Variants in MYCBP2 observed in about 807,000 individuals in gnomAD.
MYCBP2 encodes MYC binding protein 2.
Under a neutral mutation model 525.3 loss-of-function variants are expected in MYCBP2, and 120 were observed. That is an observed-to-expected ratio of 0.23 (90% confidence interval 0.20 to 0.27). MYCBP2 has a LOEUF of 0.27. Among genes scored for constraint, MYCBP2 ranks in the 10% least tolerant of loss-of-function variants. The probability of loss-of-function intolerance (pLI) is 1.00; values close to 1 mark genes in which losing one functional copy is unlikely to be tolerated. For missense variants in MYCBP2, 4,149 were observed against 5,657.1 expected (o/e 0.73, Z 8.55); for synonymous variants, 1,894 against 1,955.8 (o/e 0.97, Z 0.83).
Position 77,121,385 on chromosome 13 carries a change from C to T in MYCBP2, c.8128G>A (p.Gly2710Arg), listed in dbSNP as rs1393783410. The T allele has an allele frequency of 1.0e-5, 16 of 1,555,946 alleles. No individual in the cohort carries two copies. The highest frequency in any genetic ancestry group is 9.5e-5 in the African/African-American group (7 of 73,800). Residue 2710 changes from glycine to arginine, a missense_variant, in exon 55 of 83, where the codon GGA becomes AGA. Gly to Arg is a moderately radical substitution (Grantham distance 125). Transcript: ENST00000544440. ...TTTAAATACCTACCTTTGCTATTTC[C>T]GAGTCCATAATCAAATCCTTGGGCA... ...CSAQGFDYGL[G>R]NSKGDRGNIS...
chr13:77,234,565 A>G (rs55830830), intron 17 of MYCBP2, among the ~76,000 whole-genome samples: 1,902 of 152,150 alleles, frequency 0.013, 42 homozygotes, highest in African/African-American at 0.043. Flanking sequence ...AACATATTCT[A>G]TGACTACTAC....
chr13:77,090,872 A>G (rs1033445141), intron 59 of MYCBP2, among the ~76,000 whole-genome samples: 1 of 152,178 alleles, frequency 6.6e-6, no homozygotes, highest in Non-Finnish European at 1.5e-5. Flanking sequence ...CAGCTTTTCT[A>G]TTTATTAAAG....
chr13:77,300,396 T>A (rs111404634), intron 1 of MYCBP2, among the ~76,000 whole-genome samples: 1 of 152,364 alleles, frequency 6.6e-6, no homozygotes, highest in South Asian at 2.1e-4. Context: ...GAGAGGAGTG[T>A]GCATATATTA....
chr13:77,157,924 A>G lies in MYCBP2; in HGVS notation c.6770+13T>C. 5 of 1,595,288 alleles carry G rather than the reference A, an allele frequency of 3.1e-6. No homozygotes were observed. The highest frequency in any genetic ancestry group is 4.3e-6 in the Non-Finnish European group (5 of 1,171,780). On this transcript the variant is annotated intron_variant, in intron 45 of 82. Coordinates refer to ENST00000544440, the MANE Select transcript of MYCBP2 (RefSeq NM_015057.5). ...AGCCCTAAAATAAAGTAAGTAACTT[A>G]AAGTACATTTACCTTGCAAGCCTTC...
chr13:77,148,879 C>T (rs1286959900), intron 47 of MYCBP2, among the ~76,000 whole-genome samples: 1 of 152,100 alleles, frequency 6.6e-6, no homozygotes, highest in African/African-American at 2.4e-5. Context: ...GGCTGCAAAA[C>T]CTACAAATTT....
chr13:77,296,738 CA>C (rs1458430877), intron 1 of MYCBP2, 64 bp from the exon 2 acceptor site: 1 of 1,167,288 alleles, frequency 8.6e-7, no homozygotes, highest in Non-Finnish European at 1.2e-6. Context: ...ACAAAGCTAT[CA>C]AAAATGGGTA....
intron 20 of MYCBP2, among the ~76,000 whole-genome samples, chr13:77,220,876 GTATGACTAC>G (rs1174475656): frequency 6.6e-6 from 1 of 152,160 alleles, no homozygotes; most frequent in African/African-American, 2.4e-5. Flanking sequence ...CAGTATATAG[GTATGACTAC>G]TGCATTATCC....
At chr13:77,277,302 C>A (rs2075735444) in intron 4 of MYCBP2, among the ~76,000 whole-genome samples, 1 of 152,168 alleles carries the variant, frequency 6.6e-6, no homozygotes, top group African/African-American at 2.4e-5. Context: ...CCAAGCAGCA[C>A]TTCACAATAT....
chr13:77,071,199 G>A (rs1362274992), intron 68 of MYCBP2, among the ~76,000 whole-genome samples: 2 of 150,676 alleles, frequency 1.3e-5, no homozygotes, highest in African/African-American at 2.4e-5. Context: ...TTATGTGCAC[G>A]CTGTTCTTCT....
chr13:77,204,120 T>C lies in MYCBP2; in HGVS notation c.3843+1136A>G, dbSNP rs1392116531. ...CAGAGTGAACAGGCAACCTACAAAA[T>C]GGGAGAAAATTTTTGCAACCTACTC... On this transcript the variant is annotated intron_variant, in intron 26 of 82. Transcript: ENST00000544440. Among the ~76,000 whole-genome samples the C allele has an allele frequency of 2.5e-4, 38 of 150,298 alleles. No homozygotes were observed. The South Asian group carries it at 7.8e-3, about 31-fold the overall frequency.
intron 43 of MYCBP2, among the ~76,000 whole-genome samples, chr13:77,163,365 G>A (rs2154211022): frequency 6.6e-6 from 1 of 152,214 alleles, no homozygotes; most frequent in Middle Eastern, 3.4e-3. Context: ...GGAGAAAAGG[G>A]ATGGAGAAGA....
chr13:77,181,130 GTA>G (rs1159005123), intron 33 of MYCBP2, among the ~76,000 whole-genome samples: 5 of 151,874 alleles, frequency 3.3e-5, no homozygotes, highest in African/African-American at 1.2e-4. Flanking sequence ...ACCCCTACCG[GTA>G]GAAAAATTTC....
chr13:77,254,073 T>C (rs902565604), intron 14 of MYCBP2, among the ~76,000 whole-genome samples: 5 of 151,954 alleles, frequency 3.3e-5, no homozygotes, highest in African/African-American at 1.2e-4. Context: ...CATTTAGATT[T>C]ATATGTACCA....
intron 2 of MYCBP2, among the ~76,000 whole-genome samples, chr13:77,294,114 A>ATATATATG (rs2077830145): frequency 1.8e-5 from 1 of 55,404 alleles, no homozygotes; most frequent in Non-Finnish European, 4.5e-5. Flanking sequence ...CTATATATAT[A>ATATATATG]TATATATATA....
intron 20 of MYCBP2, among the ~76,000 whole-genome samples, chr13:77,222,375 G>A (rs9600835): frequency 6.7e-6 from 1 of 150,106 alleles, no homozygotes; most frequent in Non-Finnish European, 1.5e-5. Flanking sequence ...CTTGATAGTA[G>A]TATCAATTTT....
At chr13:77,103,448 T>C (rs1461780513) in intron 55 of MYCBP2, 5 of 390,126 alleles carry the variant, frequency 1.3e-5, no homozygotes, top group African/African-American at 8.3e-5. Flanking sequence ...TATTCTGCTA[T>C]ATTTTTGAAC....
intron 1 of MYCBP2, among the ~76,000 whole-genome samples, chr13:77,299,005 A>C (rs936359769): frequency 4.0e-4 from 38 of 93,846 alleles, no homozygotes; most frequent in Non-Finnish European, 1.2e-3. Context: ...CGTATTCTTC[A>C]TACTATTTAG....
chr13:77,170,322 G>A (rs375856607), intron 38 of MYCBP2, among the ~76,000 whole-genome samples: 1 of 152,168 alleles, frequency 6.6e-6, no homozygotes, highest in African/African-American at 2.4e-5. Context: ...CCATGAACAT[G>A]GTGCTGGAAA....
intron 73 of MYCBP2, among the ~76,000 whole-genome samples, chr13:77,063,558 CAAAAAAAA>C (rs67648208): frequency 1.9e-4 from 13 of 67,434 alleles, no homozygotes; most frequent in Non-Finnish European, 3.9e-4. Flanking sequence ...AACTCTGTCT[CAAAAAAAA>C]AAAAAAAAAA....
Sources: allele counts gnomAD v4.1 joint callset (sites outside exome capture counted in the v4.1 genomes callset), GRCh38; gene constraint gnomAD v4.1.1; transcripts MANE v1.5; gene names NCBI Gene and HGNC (gene_info 2026-07-23, HGNC 2026-07-21).